FAM117B: variants seen among roughly 807,000 people sequenced by gnomAD.
FAM117B encodes the protein family with sequence similarity 117 member B, also known as protein FAM117B.
In FAM117B, 22 loss-of-function variants were observed where a neutral mutation model predicts 52.8. The ratio of observed to expected loss-of-function variants is 0.42; its 90% CI spans 0.30 to 0.59. The LOEUF (loss-of-function observed/expected upper bound fraction) is 0.59, where lower values mean the gene tolerates loss of function less well. Ranked by LOEUF, FAM117B falls within the 20% of genes least tolerant of loss-of-function variation. The probability of loss-of-function intolerance (pLI) is 0.22; values close to 1 mark genes in which losing one functional copy is unlikely to be tolerated. For synonymous variants in FAM117B, 309 were observed against 324.1 expected, an observed-to-expected ratio of 0.95 and a Z score of 0.50; for missense variants, 678 against 802.6, an observed-to-expected ratio of 0.84 and a Z score of 1.88.
intron 1 of FAM117B, among the ~76,000 whole-genome samples, chr2:202,659,604 CTTTTTTT>C (rs71030981): frequency 0.13 from 7,622 of 60,284 alleles, 218 homozygotes; most frequent in South Asian, 0.2. Context: ...AGCCACCGTG[CTTTTTTT>C]TTTTTTTTTT....
intron 1 of FAM117B, among the ~76,000 whole-genome samples, chr2:202,675,334 T>C (rs1160286873): frequency 6.6e-6 from 1 of 150,666 alleles, no homozygotes; most frequent in Non-Finnish European, 1.5e-5. Context: ...TGGTCCCAGC[T>C]ACTTGGGAGG....
At chr2:202,644,550 C>G (rs1489306748) in intron 1 of FAM117B, among the ~76,000 whole-genome samples, 1 of 152,240 alleles carries the variant, frequency 6.6e-6, no homozygotes, top group Non-Finnish European at 1.5e-5. Flanking sequence ...CTCTTCACTT[C>G]TCTCCTGTTT....
intron 4 of FAM117B, among the ~76,000 whole-genome samples, chr2:202,738,222 TG>T (rs1691471299): frequency 6.6e-6 from 1 of 152,254 alleles, no homozygotes; most frequent in Non-Finnish European, 1.5e-5. Context: ...GTTCTCTTAC[TG>T]TCTTTCACAG....
intron 1 of FAM117B, among the ~76,000 whole-genome samples, chr2:202,658,027 T>G (rs1283056591): frequency 6.6e-6 from 1 of 152,012 alleles, no homozygotes; most frequent in African/African-American, 2.4e-5. Context: ...CCTCTTTACA[T>G]TACAGTGATT....
rs190618917 is a variant in FAM117B, at chr2:202,677,308, C to T, written c.602-18573C>T. Among the ~76,000 whole-genome samples the T allele has an allele frequency of 9.9e-3, 1,505 of 152,016 alleles. 28 individuals carry two copies. The highest frequency in any genetic ancestry group is 0.03 in the African/African-American group (1,243 of 41,444). ...GTCTCGATCTCCTGACCTCGTGATC[C>T]GCCCGCCTCGGCCTCCCAAAGTGCT... On this transcript the variant is annotated intron_variant, in intron 1 of 7. Coordinates refer to ENST00000392238, the MANE Select transcript of FAM117B (RefSeq NM_173511.4).
intron 1 of FAM117B, among the ~76,000 whole-genome samples, chr2:202,669,980 A>G (rs773678584): frequency 1.2e-4 from 18 of 152,192 alleles, no homozygotes; most frequent in Non-Finnish European, 2.4e-4. Flanking sequence ...TAATTTCTTA[A>G]TCTTTCATTT....
intron 1 of FAM117B, among the ~76,000 whole-genome samples, chr2:202,676,004 A>AG (rs1421650914): frequency 6.6e-6 from 1 of 151,770 alleles, no homozygotes; most frequent in African/African-American, 2.4e-5. Context: ...AAAAAAAAAA[A>AG]AGAATATAGC....
chr2:202,732,177 C>T (rs1237394084), intron 4 of FAM117B, among the ~76,000 whole-genome samples: 1 of 152,048 alleles, frequency 6.6e-6, no homozygotes, highest in East Asian at 1.9e-4. Context: ...AGGCGTGAGC[C>T]ACCGCGCCTG....
At chr2:202,710,177 A>G (rs976713320) in intron 2 of FAM117B, among the ~76,000 whole-genome samples, 91 of 152,160 alleles carry the variant, frequency 6.0e-4, no homozygotes, top group African/African-American at 2.1e-3. Flanking sequence ...TGGGATTTTG[A>G]TAGGGATTGC....
At chr2:202,638,283 G>A (rs539358467) in intron 1 of FAM117B, among the ~76,000 whole-genome samples, 2 of 152,292 alleles carry the variant, frequency 1.3e-5, no homozygotes, top group Admixed American at 1.3e-4. Flanking sequence ...GCTTATAAGT[G>A]GGCAGTAGAG....
intron 1 of FAM117B, among the ~76,000 whole-genome samples, chr2:202,655,188 T>C (rs1481727728): frequency 1.3e-5 from 2 of 152,206 alleles, no homozygotes; most frequent in African/African-American, 4.8e-5. Context: ...ATTCATGTTA[T>C]TGCATGTTTC....
intron 1 of FAM117B, among the ~76,000 whole-genome samples, chr2:202,687,564 C>G (rs912416353): frequency 8.5e-5 from 13 of 152,074 alleles, no homozygotes; most frequent in African/African-American, 3.1e-4. Flanking sequence ...CACATGCCAC[C>G]ACATCTGGCT....
chr2:202,745,759 A>G (rs376967987), intron 4 of FAM117B, among the ~76,000 whole-genome samples: 1 of 152,220 alleles, frequency 6.6e-6, no homozygotes, highest in African/African-American at 2.4e-5. Context: ...GGAAAAGGCT[A>G]TTCCACGCAA....
At chr2:202,715,348 G>A (rs555728768) in intron 2 of FAM117B, among the ~76,000 whole-genome samples, 140 of 149,824 alleles carry the variant, frequency 9.3e-4, no homozygotes, top group Non-Finnish European at 1.6e-3. Context: ...GGGCGGAGAC[G>A]CTCCTCACTT....
intron 1 of FAM117B, among the ~76,000 whole-genome samples, chr2:202,659,507 C>T (rs1045819518): frequency 6.6e-5 from 10 of 150,500 alleles, no homozygotes; most frequent in East Asian, 2.0e-4. Context: ...AGATGGGTTT[C>T]ACTGTGTTGC....
chr2:202,650,531 G>T (rs1465209643), intron 1 of FAM117B, among the ~76,000 whole-genome samples: 4 of 152,132 alleles, frequency 2.6e-5, no homozygotes, highest in Admixed American at 2.6e-4. Context: ...ATAAAGGGGA[G>T]TTTATTAAGG....
intron 4 of FAM117B, among the ~76,000 whole-genome samples, chr2:202,731,332 A>AAAATATATAT (rs1553522256): frequency 9.7e-5 from 3 of 30,770 alleles, no homozygotes; most frequent in Non-Finnish European, 3.1e-4. Flanking sequence ...GAGAAATTGG[A>AAAATATATAT]ATATATATAT....
chr2:202,754,529 TATAA>T (rs1691771510), intron 4 of FAM117B, among the ~76,000 whole-genome samples: 1 of 152,036 alleles, frequency 6.6e-6, no homozygotes, highest in Non-Finnish European at 1.5e-5. Context: ...CCCCCCAGAA[TATAA>T]ATAATTATAT....
At chr2:202,636,992 C>G (rs941869802) in intron 1 of FAM117B, among the ~76,000 whole-genome samples, 1 of 149,402 alleles carries the variant, frequency 6.7e-6, no homozygotes, top group Non-Finnish European at 1.5e-5. Context: ...CTCCAACTCC[C>G]GGGTTCAAAC....
Sources: allele counts gnomAD v4.1 joint callset (sites outside exome capture counted in the v4.1 genomes callset), GRCh38; gene constraint gnomAD v4.1.1; transcripts MANE v1.5; gene names NCBI Gene and HGNC (gene_info 2026-07-23, HGNC 2026-07-21).